Variants in DPYD observed in about 807,000 individuals in gnomAD.
DPYD encodes dihydropyrimidine dehydrogenase [NADP(+)].
DPYD carries 109 observed loss-of-function variants against 116.2 expected under a neutral mutation model. The observed-to-expected ratio is 0.94, with a 90% CI of 0.80 to 1.10. The LOEUF (loss-of-function observed/expected upper bound fraction) is 1.10. Ranked by LOEUF, DPYD falls within the 50% of genes least tolerant of loss-of-function variation. The probability of loss-of-function intolerance (pLI) is 0.00; values close to 1 mark genes in which losing one functional copy is unlikely to be tolerated. For synonymous variants in DPYD, 440 were observed against 432.0 expected (o/e 1.02, Z -0.23); for missense variants, 1,302 against 1,254.5 (o/e 1.04, Z -0.57).
At chr1:97,360,104 A>G (rs1670639349) in intron 16 of DPYD, among the ~76,000 whole-genome samples, 1 of 152,080 alleles carries the variant, frequency 6.6e-6, no homozygotes, top group Non-Finnish European at 1.5e-5. Flanking sequence ...AAAGGGATGG[A>G]GGAAGATCTA....
At chr1:97,351,332 A>G (rs1302543514) in intron 16 of DPYD, among the ~76,000 whole-genome samples, 1 of 152,176 alleles carries the variant, frequency 6.6e-6, no homozygotes, top group African/African-American at 2.4e-5. Flanking sequence ...GTTTACTCTG[A>G]AAGCCCAATT....
At chr1:97,900,470 A>C (rs2101682756) in intron 1 of DPYD, among the ~76,000 whole-genome samples, 1 of 151,988 alleles carries the variant, frequency 6.6e-6, no homozygotes, top group East Asian at 1.9e-4. Flanking sequence ...GGAAACTTCA[A>C]AATAAAAGCA....
At chr1:97,724,773 G>A (rs1352388768) in intron 4 of DPYD, among the ~76,000 whole-genome samples, 2 of 151,456 alleles carry the variant, frequency 1.3e-5, no homozygotes, top group Non-Finnish European at 3.0e-5. Context: ...GCACACAAAG[G>A]TTCAATCAAT....
chr1:97,441,629 T>A (rs1408335059), intron 14 of DPYD, among the ~76,000 whole-genome samples: 1 of 152,222 alleles, frequency 6.6e-6, no homozygotes, highest in Non-Finnish European at 1.5e-5. Flanking sequence ...ATTGTACTTG[T>A]CTGCTAATGC....
At chr1:97,890,008 T>C (rs1005612020) in intron 1 of DPYD, among the ~76,000 whole-genome samples, 10 of 152,116 alleles carry the variant, frequency 6.6e-5, no homozygotes, top group Middle Eastern at 3.4e-3. Context: ...GTGAAAGATG[T>C]CAACTACAAA....
intron 13 of DPYD, among the ~76,000 whole-genome samples, chr1:97,500,990 C>T (rs1286655509): frequency 6.6e-6 from 1 of 152,032 alleles, no homozygotes. Context: ...AATTAGCAGG[C>T]AATTAGTCAA....
intron 12 of DPYD, among the ~76,000 whole-genome samples, chr1:97,517,093 C>T (rs1188210280): frequency 1.3e-5 from 2 of 152,024 alleles, no homozygotes; most frequent in African/African-American, 4.8e-5. Flanking sequence ...CAATGCAAAG[C>T]AAAGTTCACT....
intron 16 of DPYD, among the ~76,000 whole-genome samples, chr1:97,358,693 C>A (rs1382765816): frequency 6.6e-6 from 1 of 152,166 alleles, no homozygotes; most frequent in Admixed American, 6.5e-5. Flanking sequence ...CTCCAGCAAA[C>A]TTCAACAGAC....
intron 20 of DPYD, among the ~76,000 whole-genome samples, chr1:97,114,671 C>G (rs1651838778): frequency 6.6e-6 from 1 of 152,084 alleles, no homozygotes; most frequent in Admixed American, 6.6e-5. Context: ...AGTGTCAATA[C>G]AGCATCACTA....
intron 8 of DPYD, among the ~76,000 whole-genome samples, chr1:97,615,260 T>G (rs1255217758): frequency 6.6e-6 from 1 of 152,150 alleles, no homozygotes; most frequent in East Asian, 1.9e-4. Context: ...TTCTTCATTT[T>G]CTTCTCCAAA....
chr1:97,307,587 A>G (rs1370494428), intron 16 of DPYD, among the ~76,000 whole-genome samples: 2 of 151,878 alleles, frequency 1.3e-5, no homozygotes, highest in African/African-American at 2.4e-5. Flanking sequence ...GCAAAACTTA[A>G]TACTTTTAAA....
In DPYD at chr1:97,419,252, T is replaced by C. The variant is rs190597683; in HGVS notation, c.1905+30807A>G. ...GTGATAACTGAAAATCACTGTATAATACTTTCTTCTTCATATGCAATATAT... is the reference window on the plus strand; with the variant it reads ...GTGATAACTGAAAATCACTGTATAACACTTTCTTCTTCATATGCAATATAT... On this transcript the variant is annotated intron_variant, in intron 14 of 22. Coordinates refer to ENST00000370192, the MANE Select transcript of DPYD (RefSeq NM_000110.4). 5.9e-5 allele frequency among the ~76,000 whole-genome samples: 9 copies of C among 152,330 alleles called. No homozygotes were observed. In the East Asian group the frequency reaches 1.5e-3, roughly 26 times the overall value.
intron 14 of DPYD, among the ~76,000 whole-genome samples, chr1:97,388,965 TAG>T (rs1474898583): frequency 9.9e-5 from 15 of 151,460 alleles, no homozygotes; most frequent in Non-Finnish European, 2.2e-4. Flanking sequence ...AGAAGACGAG[TAG>T]AGAGAGAAAC....
chr1:97,564,708 T>A (rs1234367490), intron 11 of DPYD, among the ~76,000 whole-genome samples: 1 of 152,154 alleles, frequency 6.6e-6, no homozygotes, highest in East Asian at 1.9e-4. Context: ...AATCTCTTTA[T>A]CAAGCAGATA....
At chr1:97,400,853 GT>G (rs1339241068) in intron 14 of DPYD, among the ~76,000 whole-genome samples, 12 of 152,014 alleles carry the variant, frequency 7.9e-5, no homozygotes, top group Admixed American at 4.6e-4. Context: ...TTCTTTATTA[GT>G]CTTGCTAGTG....
At chr1:97,760,147 A>T (rs1451504118) in intron 3 of DPYD, among the ~76,000 whole-genome samples, 1 of 152,166 alleles carries the variant, frequency 6.6e-6, no homozygotes, top group East Asian at 1.9e-4. Context: ...TGTTCCTCGG[A>T]AGAGTTAGGA....
chr1:97,253,370 A>G (rs1663237847), intron 18 of DPYD, among the ~76,000 whole-genome samples: 1 of 152,192 alleles, frequency 6.6e-6, no homozygotes, highest in African/African-American at 2.4e-5. Flanking sequence ...TTATTCTTTA[A>G]AAGATTTTTT....
intron 4 of DPYD, among the ~76,000 whole-genome samples, chr1:97,736,785 G>A (rs1343812294): frequency 6.6e-6 from 1 of 151,722 alleles, no homozygotes; most frequent in Non-Finnish European, 1.5e-5. Context: ...AACTCTGCAG[G>A]ATTATGGCTT....
At position 97,305,319 on chromosome 1, in the gene DPYD, C is replaced by T. The variant is rs1667092469; in HGVS notation, c.2239G>A (p.Asp747Asn). 1.9e-6 allele frequency: 3 copies of T among 1,612,450 alleles called. No individual in the cohort carries two copies. Among genetic ancestry groups the T allele is most frequent in the South Asian group, 1.1e-5 (1 of 91,062 alleles). ...CCCACTGCTGGCCAAGGTGTGCCAT[C>T]AGATTTTAATCCCATCAGACCTGAG... ...TVSGLMGLKSDGTPWPAVGIA... is the reference protein window; with the variant it reads ...TVSGLMGLKSNGTPWPAVGIA... The change falls in exon 18 of 23, where the codon GAT becomes AAT. Residue 747 changes from aspartate (D) to asparagine (N), a missense_variant. Transcript: ENST00000370192.
Sources: allele counts gnomAD v4.1 joint callset (sites outside exome capture counted in the v4.1 genomes callset), GRCh38; gene constraint gnomAD v4.1.1; transcripts MANE v1.5; gene names NCBI Gene and HGNC (gene_info 2026-07-23, HGNC 2026-07-21).